The following CNTN1 variants were observed in gnomAD, a reference collection of about 807,000 sequenced individuals.
The protein encoded by CNTN1 is contactin 1, also known as contactin-1.
In CNTN1, 38 loss-of-function variants were observed where a neutral mutation model predicts 126.4. The observed-to-expected ratio is 0.30, with a 90% CI of 0.23 to 0.39. The LOEUF is 0.39. Ranked by LOEUF, CNTN1 falls within the 10% of genes least tolerant of loss-of-function variation. CNTN1 has a pLI of 1.00. For missense variants in CNTN1, 1,009 were observed against 1,248.4 expected (o/e 0.81, Z 2.89); for synonymous variants, 413 against 422.6 (o/e 0.98, Z 0.28).
At chr12:40,861,299 T>C (rs56716580) in intron 1 of CNTN1, among the ~76,000 whole-genome samples, 2,886 of 152,218 alleles carry the variant, frequency 0.019, 30 homozygotes, top group African/African-American at 0.025. Flanking sequence ...AAATGTTTTA[T>C]CTAATGCTCC....
At position 40,877,150 on chromosome 12, in the gene CNTN1, T is replaced by A. The variant is rs545482556; in HGVS notation, c.-76-31207T>A. ...ACTGTCACCATCTGACAATTTGCTA[T>A]TATAGCTAGACTAACATTAAGATTT... On this transcript the variant is annotated intron_variant, in intron 1 of 23. Coordinates refer to ENST00000551295, the MANE Select transcript of CNTN1 (RefSeq NM_001843.4). Among the ~76,000 whole-genome samples the A allele has an allele frequency of 3.3e-5, 5 of 152,336 alleles. No homozygotes were observed. In the South Asian group the frequency reaches 1.0e-3, roughly 32 times the overall value.
At chr12:40,965,998 CCACACACACACACACACA>C (rs57532764) in intron 15 of CNTN1, among the ~76,000 whole-genome samples, 12 of 136,288 alleles carry the variant, frequency 8.8e-5, no homozygotes, top group South Asian at 7.4e-4. Context: ...CCTCATCACA[CCACACACACACACACACA>C]CACACACACA....
At chr12:41,013,134 A>G (rs749301545) in intron 17 of CNTN1, among the ~76,000 whole-genome samples, 38 of 152,120 alleles carry the variant, frequency 2.5e-4, no homozygotes, top group Non-Finnish European at 2.5e-4. Context: ...GATTGGTTTG[A>G]TCAGGTATGA....
intron 1 of CNTN1, among the ~76,000 whole-genome samples, chr12:40,876,447 T>C (rs1943671010): frequency 6.6e-6 from 1 of 151,966 alleles, no homozygotes; most frequent in South Asian, 2.1e-4. Flanking sequence ...CATGAAAAAA[T>C]TAACCAAGTA....
At chr12:40,872,721 C>A (rs1441577499) in intron 1 of CNTN1, among the ~76,000 whole-genome samples, 1 of 151,726 alleles carries the variant, frequency 6.6e-6, no homozygotes, top group East Asian at 1.9e-4. Flanking sequence ...CAGGTGCACA[C>A]CACCACGCCC....
At chr12:40,845,833 T>G (rs2136599322) in intron 1 of CNTN1, among the ~76,000 whole-genome samples, 1 of 152,320 alleles carries the variant, frequency 6.6e-6, no homozygotes, top group East Asian at 1.9e-4. Flanking sequence ...ATCTCTTCTA[T>G]TTGTTCCCGA....
intron 1 of CNTN1, among the ~76,000 whole-genome samples, chr12:40,904,471 C>T (rs1354109370): frequency 6.7e-6 from 1 of 149,934 alleles, no homozygotes; most frequent in East Asian, 2.0e-4. Flanking sequence ...CTCTGTCACC[C>T]AGGCTGGAGT....
At chr12:40,860,539 A>G (rs1259920459) in intron 1 of CNTN1, among the ~76,000 whole-genome samples, 1 of 152,006 alleles carries the variant, frequency 6.6e-6, no homozygotes, top group African/African-American at 2.4e-5. Flanking sequence ...GCAGGCTCCC[A>G]CGACATCTTA....
At chr12:40,756,808 C>G (rs934543006) in intron 1 of CNTN1, among the ~76,000 whole-genome samples, 1 of 152,148 alleles carries the variant, frequency 6.6e-6, no homozygotes, top group Non-Finnish European at 1.5e-5. Context: ...TTTAACAGCA[C>G]TTATAACTAA....
At chr12:40,918,572 C>A in intron 3 of CNTN1, 67 bp from the exon 4 acceptor site, 1 of 1,395,164 alleles carries the variant, frequency 7.2e-7, no homozygotes, top group Non-Finnish European at 1.0e-6. Flanking sequence ...AATTTTTTTT[C>A]AATGTTCTCA....
At position 41,024,688 on chromosome 12, in the gene CNTN1, T is replaced by C. The variant is rs911260076; in HGVS notation, c.2524-462T>C. Among the ~76,000 whole-genome samples, 5 of 152,142 alleles carry C rather than the reference T, an allele frequency of 3.3e-5. No homozygotes were observed. The East Asian group carries it at 5.8e-4, about 18-fold the overall frequency. Reference sequence around the variant, plus strand: ...TTACTTTAGCGTATTCTAGGCCACATAGTAACTATTTTTATCCAGCAAAAT... The same window carrying C: ...TTACTTTAGCGTATTCTAGGCCACACAGTAACTATTTTTATCCAGCAAAAT... On this transcript the variant is annotated intron_variant, in intron 20 of 23. Coordinates refer to ENST00000551295, the MANE Select transcript of CNTN1 (RefSeq NM_001843.4).
intron 1 of CNTN1, among the ~76,000 whole-genome samples, chr12:40,812,653 G>A (rs79583236): frequency 6.6e-6 from 1 of 151,996 alleles, no homozygotes; most frequent in Admixed American, 6.6e-5. Context: ...ATGATATAAT[G>A]ACCTTTGTCT....
chr12:40,918,908 C>A, intron 4 of CNTN1, 137 bp downstream of exon 4: 1 of 1,069,306 alleles, frequency 9.4e-7, no homozygotes, highest in Non-Finnish European at 1.4e-6. Context: ...GGCATACAAA[C>A]TATTAAAAAA....
intron 6 of CNTN1, among the ~76,000 whole-genome samples, chr12:40,925,826 A>ATATG (rs1356745941): frequency 2.2e-5 from 2 of 91,328 alleles, no homozygotes; most frequent in South Asian, 6.1e-4. Flanking sequence ...ATATATATAT[A>ATATG]TATGTATGTG....
Position 40,963,180 on chromosome 12 carries a change from G to T in CNTN1, c.1804+3946G>T, listed in dbSNP as rs556795289. Among the ~76,000 whole-genome samples the T allele has an allele frequency of 3.3e-4, 50 of 152,156 alleles. No individual in the cohort carries two copies. The South Asian group carries it at 9.8e-3, about 30-fold the overall frequency. ...CTCACAACTGTAATCCCAGCACTTT[G>T]GGAGGCCAAGGAGTGCGTATTGCTT... is the stretch of plus-strand genomic sequence containing the variant. On this transcript the variant is annotated intron_variant, in intron 15 of 23. Coordinates refer to ENST00000551295, the MANE Select transcript of CNTN1 (RefSeq NM_001843.4).
intron 1 of CNTN1, among the ~76,000 whole-genome samples, chr12:40,699,004 C>A (rs1488025973): frequency 6.6e-6 from 1 of 152,140 alleles, no homozygotes; most frequent in Admixed American, 6.6e-5. Context: ...ACTGACCTAA[C>A]CTTTTCATGC....
Position 41,016,865 on chromosome 12 carries a change from AAAG to A in CNTN1, c.2369_2371del (p.Lys790_Gly791delinsArg). The A allele has an allele frequency of 6.2e-7, 1 of 1,614,176 alleles. No homozygotes were observed. ...AGTTAAAGTCAAGGCCTTCAACAAC[AAAG>A]GAGATGGACCTTACAGCCTAGTAGC... On this transcript the variant is annotated inframe_deletion, in exon 19 of 24. Transcript: ENST00000551295.
chr12:40,982,526 C>A (rs571318135), intron 16 of CNTN1, among the ~76,000 whole-genome samples: 1 of 152,184 alleles, frequency 6.6e-6, no homozygotes, highest in South Asian at 2.1e-4. Flanking sequence ...TTTAAAATAT[C>A]CACTAGAAAG....
intron 1 of CNTN1, among the ~76,000 whole-genome samples, chr12:40,693,404 G>A (rs1363244488): frequency 6.6e-6 from 1 of 152,216 alleles, no homozygotes; most frequent in Non-Finnish European, 1.5e-5. Context: ...CTGCGAGGCT[G>A]CCTCCCTAGG....
Sources: allele counts gnomAD v4.1 joint callset (sites outside exome capture counted in the v4.1 genomes callset), GRCh38; gene constraint gnomAD v4.1.1; transcripts MANE v1.5; gene names NCBI Gene and HGNC (gene_info 2026-07-23, HGNC 2026-07-21).